Variants in SOBP observed in about 807,000 individuals in gnomAD.
SOBP encodes the protein sine oculis binding protein homolog.
Under a neutral mutation model 53.6 loss-of-function variants are expected in SOBP, and 4 were observed. The observed-to-expected ratio is 0.07, with a 90% CI of 0.04 to 0.17. The LOEUF (loss-of-function observed/expected upper bound fraction) is 0.17. Ranked by LOEUF, SOBP falls within the 10% of genes least tolerant of loss-of-function variation. The probability of loss-of-function intolerance (pLI) is 1.00; values close to 1 mark genes in which losing one functional copy is unlikely to be tolerated. For synonymous variants in SOBP, 584 were observed against 522.6 expected (o/e 1.12, Z -1.60); for missense variants, 1,088 against 1,204.7 (o/e 0.90, Z 1.43).
At chr6:107,621,133 C>T in intron 5 of SOBP, 1 of 852,240 alleles carries the variant, frequency 1.2e-6, no homozygotes, top group Non-Finnish European at 1.4e-6. Context: ...TATTGAGCCA[C>T]TTGAATTTAT....
At chr6:107,620,972 TA>T (rs1786984029) in intron 5 of SOBP, 1 of 156,088 alleles carries the variant, frequency 6.4e-6, no homozygotes, top group African/African-American at 2.4e-5. Context: ...TCATTAGTCA[TA>T]CAGAGGTTAG....
At chr6:107,557,076 A>T (rs1315690576) in intron 4 of SOBP, among the ~76,000 whole-genome samples, 1 of 152,202 alleles carries the variant, frequency 6.6e-6, no homozygotes, top group Non-Finnish European at 1.5e-5. Context: ...ACCAGTTCTT[A>T]TATTTGGTAA....
At chr6:107,496,895 T>C (rs1295096363) in intron 1 of SOBP, among the ~76,000 whole-genome samples, 1 of 152,236 alleles carries the variant, frequency 6.6e-6, no homozygotes. Context: ...TCATGACCTT[T>C]TTCTTGGCAG....
intron 5 of SOBP, among the ~76,000 whole-genome samples, chr6:107,617,381 A>G (rs1394020432): frequency 6.6e-6 from 1 of 152,140 alleles, no homozygotes; most frequent in Non-Finnish European, 1.5e-5. Flanking sequence ...TGTGCTGAAA[A>G]AAGTGGAACC....
chr6:107,565,694 C>A (rs1205160991), intron 4 of SOBP, among the ~76,000 whole-genome samples: 1 of 152,112 alleles, frequency 6.6e-6, no homozygotes, highest in East Asian at 1.9e-4. Context: ...GAATATGCAC[C>A]TAATCTCTAG....
chr6:107,594,681 G>A (rs998729564), intron 5 of SOBP, among the ~76,000 whole-genome samples: 1 of 152,210 alleles, frequency 6.6e-6, no homozygotes, highest in Non-Finnish European at 1.5e-5. Context: ...CTAAGGGAAG[G>A]AGACAAGAAA....
chr6:107,553,126 G>A (rs1784508616), intron 4 of SOBP, among the ~76,000 whole-genome samples: 1 of 151,464 alleles, frequency 6.6e-6, no homozygotes, highest in South Asian at 2.1e-4. Context: ...AAAAGAAAAA[G>A]GAAACTATCT....
chr6:107,652,855 A>ATTT lies in SOBP; in HGVS notation c.*4-5341_*4-5339dup, dbSNP rs34926539. ...GCTGAAGGCTCAGATGATTGTTAGCATTTTTTTTTTTTTACAAATAAAGTA... is the reference window on the plus strand; with the variant it reads ...GCTGAAGGCTCAGATGATTGTTAGCATTTTTTTTTTTTTTTTACAAATAAAGTA... On this transcript the variant is annotated intron_variant, in intron 6 of 6. Coordinates refer to ENST00000317357, the MANE Select transcript of SOBP (RefSeq NM_018013.4). 9.0e-3 allele frequency among the ~76,000 whole-genome samples: 1,336 copies of ATTT among 148,714 alleles called. 17 individuals carry two copies. The highest frequency in any genetic ancestry group is 0.041 in the East Asian group (211 of 5,126).
At chr6:107,580,402 G>A (rs1185209691) in intron 4 of SOBP, among the ~76,000 whole-genome samples, 1 of 152,218 alleles carries the variant, frequency 6.6e-6, no homozygotes, top group East Asian at 1.9e-4. Flanking sequence ...AACATTCCAG[G>A]CCTTGGCTTA....
At chr6:107,622,108 C>T (rs763167398) in intron 5 of SOBP, among the ~76,000 whole-genome samples, 3 of 152,128 alleles carry the variant, frequency 2.0e-5, no homozygotes, top group Middle Eastern at 3.2e-3. Context: ...TGTAATAATA[C>T]GTAAAAACAT....
intron 5 of SOBP, among the ~76,000 whole-genome samples, chr6:107,589,533 T>C (rs1583244179): frequency 6.6e-6 from 1 of 152,206 alleles, no homozygotes; most frequent in South Asian, 2.1e-4. Flanking sequence ...AAAGAAAGCA[T>C]TGGCTGATAG....
Position 107,506,278 on chromosome 6 carries a change from G to A in SOBP, c.272G>A (p.Ser91Asn). The A allele has an allele frequency of 6.2e-7, 1 of 1,614,154 alleles. No homozygotes were observed. Among genetic ancestry groups the A allele is most frequent in the East Asian group, 2.2e-5 (1 of 44,890 alleles). ...SLPKPKLPED[S>N]VISPYNISTG... ...CCAAAACCAAAATTACCCGAGGACAGTGTTATTTCACCATACAATATAAGC... is the reference window on the plus strand; with the variant it reads ...CCAAAACCAAAATTACCCGAGGACAATGTTATTTCACCATACAATATAAGC... Residue 91 changes from serine (S) to asparagine (N), a missense_variant, in exon 3 of 7, where the codon AGT (serine) becomes AAT (asparagine). By Grantham distance (46) the Ser-to-Asn change is conservative. This residue lies in a region of SOBP where 112 missense variants were observed against 117.9 expected (regional missense o/e 0.95). Transcript: ENST00000317357.
At chr6:107,598,600 G>A (rs540852545) in intron 5 of SOBP, among the ~76,000 whole-genome samples, 3 of 152,164 alleles carry the variant, frequency 2.0e-5, no homozygotes, top group Non-Finnish European at 4.4e-5. Context: ...TACATTTGGT[G>A]TTTTGGCTAT....
chr6:107,646,178 G>A (rs1771546750), intron 6 of SOBP, among the ~76,000 whole-genome samples: 1 of 152,254 alleles, frequency 6.6e-6, no homozygotes, highest in Non-Finnish European at 1.5e-5. Context: ...AAACATTGCA[G>A]AACGTCATCG....
chr6:107,592,555 A>G (rs1785793034), intron 5 of SOBP, among the ~76,000 whole-genome samples: 1 of 152,192 alleles, frequency 6.6e-6, no homozygotes, highest in Non-Finnish European at 1.5e-5. Flanking sequence ...GAATTTACAT[A>G]CTATTGCTTT....
intron 2 of SOBP, among the ~76,000 whole-genome samples, chr6:107,505,858 C>T (rs1410115438): frequency 6.6e-6 from 1 of 152,078 alleles, no homozygotes; most frequent in Non-Finnish European, 1.5e-5. Flanking sequence ...ACCATGTTGG[C>T]CAGGCTGGTT....
intron 5 of SOBP, among the ~76,000 whole-genome samples, chr6:107,613,227 GGTCAA>G (rs1786663109): frequency 6.6e-6 from 1 of 152,150 alleles, no homozygotes; most frequent in East Asian, 1.9e-4. Context: ...CCCAGCCAGG[GGTCAA>G]GGCTGTAGCC....
chr6:107,506,388 G>T lies in SOBP; in HGVS notation c.382G>T (p.Val128Leu). 1.2e-6 allele frequency: 2 copies of T among 1,614,152 alleles called. No individual in the cohort carries two copies. The highest frequency in any genetic ancestry group is 1.7e-6 in the Non-Finnish European group (2 of 1,180,020). Residue 128 changes from valine (V) to leucine (L), a missense_variant, in exon 3 of 7, where the codon GTA becomes TTA. Transcript: ENST00000317357. ...GGATCATGGCAGTGTGCCCATTATT[G>T]TACCTTTAATTCCACCACCTTTCAT... Reference protein sequence around the residue: ...SKDHGSVPIIVPLIPPPFIKP... With the variant: ...SKDHGSVPIILPLIPPPFIKP...
intron 5 of SOBP, among the ~76,000 whole-genome samples, chr6:107,631,602 A>G (rs990194664): frequency 6.6e-6 from 1 of 152,216 alleles, no homozygotes; most frequent in African/African-American, 2.4e-5. Context: ...GGGCATCTCA[A>G]TTAAGATAAA....
Sources: gnomAD v4.1 joint callset for allele counts (sites outside exome capture counted in the v4.1 genomes callset) on GRCh38, gnomAD v4.1.1 for gene constraint, gnomAD v4.1.1 regional missense constraint, MANE v1.5 for transcripts, NCBI Gene and HGNC (gene_info 2026-07-23, HGNC 2026-07-21) for gene names.